DACT3: variants seen among roughly 807,000 people sequenced by gnomAD.
DACT3 encodes dapper homolog 3.
DACT3 carries 5 observed loss-of-function variants against 19.6 expected under a neutral mutation model. That is an observed-to-expected ratio of 0.26 (90% CI 0.13 to 0.54). DACT3 has a LOEUF of 0.54. DACT3 is among the 20% of genes least tolerant of loss of function. DACT3 has a pLI of 0.95. For missense variants in DACT3, 908 were observed against 927.4 expected, an observed-to-expected ratio of 0.98 and a Z score of 0.27; for synonymous variants, 454 against 428.1, an observed-to-expected ratio of 1.06 and a Z score of -0.75.
intron 1 of DACT3, among the ~76,000 whole-genome samples, chr19:46,655,774 A>G (rs566277369): frequency 1.3e-5 from 2 of 152,140 alleles, no homozygotes; most frequent in East Asian, 1.9e-4. Flanking sequence ...GTGGGTGCTC[A>G]GGAAATATTT....
chr19:46,650,865 C>T (rs1337748373), intron 3 of DACT3: 1 of 152,028 alleles, frequency 6.6e-6, no homozygotes, highest in East Asian at 1.9e-4. Context: ...GGTCCACTCC[C>T]CCACTTAGTT....
chr19:46,653,283 TC>T (rs1383827725), intron 1 of DACT3, among the ~76,000 whole-genome samples: 1 of 152,066 alleles, frequency 6.6e-6, no homozygotes, highest in Admixed American at 6.6e-5. Flanking sequence ...CCAACTCCAG[TC>T]CTTCATGCTG....
rs2052934943 is a variant in DACT3, at chr19:46,648,020, C to T, written c.*462G>A. 1 of 177,296 alleles carries T rather than the reference C, an allele frequency of 5.6e-6. No homozygotes were observed. The highest frequency in any genetic ancestry group is 2.4e-5 in the African/African-American group (1 of 41,522). 11.0% of individuals were successfully genotyped at this position (177,296 alleles called of 1,614,324 possible). On this transcript the variant is annotated 3_prime_UTR_variant, in exon 4 of 4. Transcript: ENST00000391916. This position sits in a 1 kb window ranked among gnomAD's most constrained non-coding sequence, Gnocchi z 5.1. ...GGTGCCAAGGGGATATCTTAAGGGTCCAGGGACATGGAGGGGGCACTTTGT... is the reference window on the plus strand; with the variant it reads ...GGTGCCAAGGGGATATCTTAAGGGTTCAGGGACATGGAGGGGGCACTTTGT...
At position 46,647,820 on chromosome 19, in the gene DACT3, T is replaced by C. The variant is rs2052933318; in HGVS notation, c.*662A>G. On this transcript the variant is annotated 3_prime_UTR_variant, in exon 4 of 4. Coordinates refer to ENST00000391916, the MANE Select transcript of DACT3 (RefSeq NM_145056.3). ...GTCATGAGATAGAAACCATCTTCCTTCCCCTCTTCTACCTCCGAATCCTCC... is the reference window on the plus strand; with the variant it reads ...GTCATGAGATAGAAACCATCTTCCTCCCCCTCTTCTACCTCCGAATCCTCC... 2 of 152,548 alleles carry C rather than the reference T, an allele frequency of 1.3e-5. No individual in the cohort carries two copies. Among genetic ancestry groups the C allele is most frequent in the Non-Finnish European group, 2.9e-5 (2 of 68,054 alleles). The allele number at this position is 152,548 out of a possible 1,614,324, so 9.4% of individuals were successfully genotyped here. A position where few individuals can be genotyped will look rare whatever the true frequency, so the allele number is the denominator to read the frequency against.
chr19:46,659,183 C>T, intron 1 of DACT3: 2 of 985,328 alleles, frequency 2.0e-6, no homozygotes, highest in African/African-American at 1.7e-5. Context: ...CTCCTCCTCC[C>T]CCCGCCTGCC....
In DACT3 at chr19:46,660,910, A is replaced by G. The variant is rs1360404453; in HGVS notation, c.155T>C (p.Met52Thr). ...QQALRLAQPG[M>T]GGAEAEDEED... is the part of the protein sequence containing the mutation. The stretch of plus-strand genomic sequence containing the variant: ...CTCGTCCTCGGCCTCGGCGCCCCCC[A>G]TTCCGGGCTGGGCCAGCCGCAGCGC... Residue 52 changes from methionine (M) to threonine (T), a missense_variant, in exon 1 of 4, where the codon ATG becomes ACG. Physicochemically the swap from Met to Thr is moderately conservative, Grantham distance 81. Around this residue, in one of 2 missense-constraint regions of DACT3, gnomAD observed 252 missense variants for 325.6 expected, o/e 0.77. Transcript: ENST00000391916. The surrounding 1 kb of genome is among the most constrained non-coding windows in gnomAD (Gnocchi z 4.9). 4 of 1,494,144 alleles carry G rather than the reference A, an allele frequency of 2.7e-6. No homozygotes were observed. The East Asian group carries it at 1.1e-4, about 40-fold the overall frequency. The allele number at this position is 1,494,144 out of a possible 1,614,324, so 92.6% of individuals were successfully genotyped here. A position where few individuals can be genotyped will look rare whatever the true frequency, so the allele number is the denominator to read the frequency against.
Position 46,652,828 on chromosome 19 carries a change from A to G in DACT3, c.347-16T>C. On this transcript the variant is annotated splice_polypyrimidine_tract_variant and intron_variant, in intron 2 of 3. Transcript: ENST00000391916. ...TCATAGAAGCCTAAATTTCCAGGAG[A>G]AGCAGAGAGACTTCAGGGGGTTTGG... 1 of 1,547,182 alleles carries G rather than the reference A, an allele frequency of 6.5e-7. No homozygotes were observed. The highest frequency in any genetic ancestry group is 1.4e-5 in the African/African-American group (1 of 72,956).
In DACT3 at chr19:46,647,683, G is replaced by A. The variant is rs941891104; in HGVS notation, c.*799C>T. The A allele has an allele frequency of 6.6e-6, 1 of 152,428 alleles. No homozygotes were observed. Among genetic ancestry groups the A allele is most frequent in the African/African-American group, 2.4e-5 (1 of 41,350 alleles). The allele number at this position is 152,428 out of a possible 1,614,324, so 9.4% of individuals were successfully genotyped here. A position where few individuals can be genotyped will look rare whatever the true frequency, so the allele number is the denominator to read the frequency against. On this transcript the variant is annotated 3_prime_UTR_variant, in exon 4 of 4. Transcript: ENST00000391916. ...AGAATCTGGCCCCCCTTTGCACTGG[G>A]GAGTCACCATCGTCATAATAAATAC...
rs2122434804 is a variant in DACT3, at chr19:46,649,094, A to G, written c.1278T>C (p.Ser426=). The G allele has an allele frequency of 7.7e-7, 1 of 1,298,524 alleles. No individual in the cohort carries two copies. The highest frequency in any genetic ancestry group is 3.9e-5 in the Admixed American group (1 of 25,378). 80.4% of individuals were successfully genotyped at this position (1,298,524 alleles called of 1,614,324 possible). A position where few individuals can be genotyped will look rare whatever the true frequency, so the allele number is the denominator to read the frequency against. The change falls in exon 4 of 4, where the codon TCT becomes TCC. Residue 426 remains serine, a synonymous_variant. Transcript: ENST00000391916. ...PRARKASRSQ[S]ETSLLGRASA... The stretch of plus-strand genomic sequence containing the variant: ...AGGCGCGGCCCAGCAGGCTGGTCTC[A>G]GACTGGGAGCGCGAGGCCTTGCGGG...
intron 1 of DACT3, chr19:46,655,084 C>G: frequency 1.0e-6 from 1 of 984,992 alleles, no homozygotes; most frequent in Non-Finnish European, 1.2e-6. Context: ...CGTCACAAAT[C>G]ACTGGCATGC....
At chr19:46,653,538 T>TA (rs1312504009) in intron 1 of DACT3, among the ~76,000 whole-genome samples, 6 of 128,448 alleles carry the variant, frequency 4.7e-5, no homozygotes, top group African/African-American at 6.4e-5. Flanking sequence ...TCTTTTTTTA[T>TA]TTTTATTTAT....
At chr19:46,654,145 C>T in intron 1 of DACT3, 1 of 985,338 alleles carries the variant, frequency 1.0e-6, no homozygotes, top group Non-Finnish European at 1.2e-6. Context: ...GGTCCACTCC[C>T]ACCAGGAAGC....
intron 3 of DACT3, chr19:46,651,269 G>GT (rs2052981833): frequency 6.6e-6 from 1 of 151,992 alleles, no homozygotes; most frequent in Admixed American, 6.6e-5. Flanking sequence ...TTTTTGTAGA[G>GT]ACGGGGTTTC....
Position 46,648,349 on chromosome 19 carries a change from A to G in DACT3, c.*133T>C. The G allele has an allele frequency of 7.2e-7, 1 of 1,382,590 alleles. No homozygotes were observed. 85.6% of individuals were successfully genotyped at this position (1,382,590 alleles called of 1,614,324 possible). On this transcript the variant is annotated 3_prime_UTR_variant, in exon 4 of 4. Transcript: ENST00000391916. This position sits in a 1 kb window ranked among gnomAD's most constrained non-coding sequence, Gnocchi z 5.1. ...AGCCTTTTCAACCAAGACTGTTAGG[A>G]GTGGGGAGAGTGAGGGGGGTCTTTG...
chr19:46,648,858 G>GACGGGCCGGGGCCGGGA lies in DACT3; in HGVS notation c.1497_1513dup (p.Ser505PhefsTer105). On this transcript the variant is annotated frameshift_variant, in exon 4 of 4. Transcript: ENST00000391916. LOFTEE classifies it low-confidence loss of function (END_TRUNC). The surrounding 1 kb of genome is among the most constrained non-coding windows in gnomAD (Gnocchi z 5.1). ...CAGACGACGCTGGGGAGCTGACGGG[G>GACGGGCCGGGGCCGGGA]ACGGGCCGGGGCCGGGAACACGCGC... The GACGGGCCGGGGCCGGGA allele has an allele frequency of 6.9e-7, 1 of 1,451,198 alleles. No individual in the cohort carries two copies. The highest frequency in any genetic ancestry group is 9.0e-7 in the Non-Finnish European group (1 of 1,112,548). 89.9% of individuals were successfully genotyped at this position (1,451,198 alleles called of 1,614,324 possible). A position where few individuals can be genotyped will look rare whatever the true frequency, so the allele number is the denominator to read the frequency against.
In DACT3 at chr19:46,649,520, G is replaced by C; in HGVS notation, c.852C>G (p.Ser284Arg). The part of the protein sequence containing the change: ...GADGGPRRQN[S>R]VRQRPPDASP... ...ACGCGTCGGGCGGCCGCTGGCGCAC[G>C]CTGTTCTGGCGCCGCGGGCCGCCGT... Residue 284 changes from serine to arginine, a missense_variant, in exon 4 of 4, where the codon AGC becomes AGG. Ser to Arg is a moderately radical substitution (Grantham distance 110). Around this residue, in one of 2 missense-constraint regions of DACT3, gnomAD observed 656 missense variants for 601.8 expected, o/e 1.09. Transcript: ENST00000391916. The C allele has an allele frequency of 8.4e-6, 9 of 1,076,084 alleles. No homozygotes were observed. Among genetic ancestry groups the C allele is most frequent in the Non-Finnish European group, 1.0e-5 (9 of 890,776 alleles). 66.7% of individuals were successfully genotyped at this position (1,076,084 alleles called of 1,614,324 possible).
intron 1 of DACT3, among the ~76,000 whole-genome samples, chr19:46,655,925 C>CTCTCTCTCTATA (rs980735397): frequency 3.8e-4 from 52 of 137,936 alleles, no homozygotes; most frequent in African/African-American, 1.2e-3. Flanking sequence ...CTCTCTCTCT[C>CTCTCTCTCTATA]TATATATATA....
chr19:46,659,520 C>T (rs1053725876), intron 1 of DACT3: 10 of 980,616 alleles, frequency 1.0e-5, no homozygotes, highest in Non-Finnish European at 1.2e-5. Context: ...CACAATCCGT[C>T]TCTAACTTTG....
Position 46,660,555 on chromosome 19 carries a change from TG to T in DACT3, c.249+260del. The stretch of plus-strand genomic sequence containing the variant: ...ACTTGGCGCCCACAAGGATTTTCTT[TG>T]GGGAAGGGGTGTAAGAGACAGGGCC... On this transcript the variant is annotated intron_variant, in intron 1 of 3. Coordinates refer to ENST00000391916, the MANE Select transcript of DACT3 (RefSeq NM_145056.3). The surrounding 1 kb of genome is among the most constrained non-coding windows in gnomAD (Gnocchi z 4.9). 1 of 511,280 alleles carries T rather than the reference TG, an allele frequency of 2.0e-6. No individual in the cohort carries two copies. The highest frequency in any genetic ancestry group is 3.2e-6 in the Non-Finnish European group (1 of 315,240). 31.7% of individuals were successfully genotyped at this position (511,280 alleles called of 1,614,324 possible). A position where few individuals can be genotyped will look rare whatever the true frequency, so the allele number is the denominator to read the frequency against.
Sources: allele counts gnomAD v4.1 joint callset (sites outside exome capture counted in the v4.1 genomes callset), GRCh38; gene constraint gnomAD v4.1.1; regional missense constraint gnomAD v4.1.1; non-coding constraint Gnocchi (gnomAD v3.1); transcripts MANE v1.5; gene names NCBI Gene and HGNC (gene_info 2026-07-23, HGNC 2026-07-21).